Variants in DCAKD observed in about 807,000 individuals in gnomAD.
DCAKD encodes the protein dephospho-CoA kinase domain-containing protein.
Under a neutral mutation model 18.7 loss-of-function variants are expected in DCAKD, and 15 were observed. The observed-to-expected ratio is 0.80, with a 90% confidence interval of 0.54 to 1.24. The LOEUF (loss-of-function observed/expected upper bound fraction) is 1.24. Ranked by LOEUF, DCAKD falls within the 50% of genes most tolerant of loss-of-function variation. The pLI, the probability that DCAKD is intolerant of heterozygous loss-of-function variation, is 0.00. For missense variants in DCAKD, 301 were observed against 322.0 expected (o/e 0.93, Z 0.50); for synonymous variants, 130 against 133.0 (o/e 0.98, Z 0.16).
chr17:45,056,800 C>T (rs1039151264), intron 1 of DCAKD, among the ~76,000 whole-genome samples: 1 of 149,772 alleles, frequency 6.7e-6, no homozygotes, highest in African/African-American at 2.5e-5. Context: ...CAGAGCCTCG[C>T]TCTGTCACCC....
chr17:45,044,046 A>C (rs1458337974), intron 1 of DCAKD, among the ~76,000 whole-genome samples: 1 of 152,146 alleles, frequency 6.6e-6, no homozygotes, highest in Non-Finnish European at 1.5e-5. Flanking sequence ...GTTTGCTCCT[A>C]ACAAAGCAGC....
chr17:45,027,280 T>C (rs962972063), intron 4 of DCAKD, among the ~76,000 whole-genome samples: 5 of 152,208 alleles, frequency 3.3e-5, no homozygotes, highest in African/African-American at 9.7e-5. Context: ...TTTGAGGCTA[T>C]AGTTAGCTGT....
upstream of DCAKD, chr17:45,054,076 A>T (rs1182751982): frequency 3.9e-6 from 2 of 518,848 alleles, no homozygotes; most frequent in Non-Finnish European, 7.7e-6. Context: ...TCCTGACTTC[A>T]ACAGTCAAGG....
intron 1 of DCAKD, among the ~76,000 whole-genome samples, chr17:45,046,775 C>T (rs1233559532): frequency 3.9e-5 from 6 of 152,126 alleles, no homozygotes; most frequent in Non-Finnish European, 7.3e-5. Context: ...TCAATTCCCA[C>T]TGGCTCTCCT....
upstream of DCAKD, chr17:45,054,060 CT>C: frequency 1.9e-6 from 1 of 518,074 alleles, no homozygotes; most frequent in African/African-American, 1.9e-5. Flanking sequence ...TCCCTGAAAG[CT>C]TTCTTCCTGA....
At chr17:45,030,970 T>C (rs1888660551) in intron 3 of DCAKD, 3 of 985,326 alleles carry the variant, frequency 3.0e-6, no homozygotes, top group South Asian at 9.4e-5. Context: ...CGTAGGCTGC[T>C]GTGGGCTACA....
intron 1 of DCAKD, among the ~76,000 whole-genome samples, chr17:45,040,489 A>T (rs574534334): frequency 1.3e-5 from 2 of 152,222 alleles, no homozygotes; most frequent in African/African-American, 4.8e-5. Flanking sequence ...TGTTCACAGA[A>T]CTGGCTTGGC....
chr17:45,045,652 A>G (rs1186073374), intron 1 of DCAKD, among the ~76,000 whole-genome samples: 2 of 151,716 alleles, frequency 1.3e-5, no homozygotes, highest in East Asian at 3.9e-4. Flanking sequence ...GAATCACTTG[A>G]ACCCGGGAGG....
chr17:45,052,265 T>TA (rs1204238842), upstream of DCAKD, among the ~76,000 whole-genome samples: 3 of 152,118 alleles, frequency 2.0e-5, no homozygotes, highest in Non-Finnish European at 4.4e-5. Context: ...TAACTTCGGA[T>TA]ATAAAGCTCG....
intron 1 of DCAKD, among the ~76,000 whole-genome samples, chr17:45,048,922 GA>G (rs968139160): frequency 6.7e-5 from 10 of 149,360 alleles, no homozygotes; most frequent in African/African-American, 9.8e-5. Context: ...CTTTCATTTG[GA>G]AAAAAAAAAT....
upstream of DCAKD, chr17:45,054,257 T>TA (rs1360539399): frequency 6.6e-6 from 3 of 454,156 alleles, no homozygotes; most frequent in Non-Finnish European, 1.3e-5. Context: ...TTTATTTATT[T>TA]TTTTTTTTGA....
chr17:45,055,372 T>A (rs2053769728), upstream of DCAKD, among the ~76,000 whole-genome samples: 1 of 151,958 alleles, frequency 6.6e-6, no homozygotes, highest in Admixed American at 6.6e-5. Flanking sequence ...GTTTATTTAT[T>A]TATTTATTTA....
At chr17:45,033,249 A>C (rs1184027776) in intron 3 of DCAKD, among the ~76,000 whole-genome samples, 1 of 152,248 alleles carries the variant, frequency 6.6e-6, no homozygotes, top group Non-Finnish European at 1.5e-5. Flanking sequence ...GCTTGGAAGA[A>C]GGTTCTTGCC....
At chr17:45,044,222 A>G (rs1420220518) in intron 1 of DCAKD, among the ~76,000 whole-genome samples, 2 of 151,832 alleles carry the variant, frequency 1.3e-5, no homozygotes, top group Admixed American at 6.6e-5. Context: ...ACTCCCCCCT[A>G]CATCACTGCC....
Position 45,034,930 on chromosome 17 carries a change from T to C in DCAKD, c.-45A>G, listed in dbSNP as rs1480371378. On this transcript the variant is annotated 5_prime_UTR_variant, in exon 2 of 5. Transcript: ENST00000651974. ...TCCGCGAGACTACGGAGCCAGGAGC[T>C]ACAGAATCACTGGAGAGCAGGGCAA... 1 of 1,601,702 alleles carries C rather than the reference T, an allele frequency of 6.2e-7. No individual in the cohort carries two copies. Among genetic ancestry groups the C allele is most frequent in the Admixed American group, 1.7e-5 (1 of 59,096 alleles).
chr17:45,033,849 T>A (rs1710992758), intron 3 of DCAKD: 2 of 1,241,682 alleles, frequency 1.6e-6, no homozygotes, highest in Non-Finnish European at 1.0e-6. Context: ...AGCTAGAAAG[T>A]CAGGGTTGGG....
chr17:45,047,654 G>A (rs530853850), intron 1 of DCAKD, among the ~76,000 whole-genome samples: 12 of 152,078 alleles, frequency 7.9e-5, no homozygotes, highest in East Asian at 1.9e-4. Context: ...ACAGGCACAC[G>A]CCACCACACC....
upstream of DCAKD, among the ~76,000 whole-genome samples, chr17:45,056,632 G>A (rs2053783303): frequency 1.3e-5 from 2 of 152,076 alleles, no homozygotes; most frequent in Admixed American, 1.3e-4. Flanking sequence ...CCACCACTGT[G>A]CCCAGCTAAA....
chr17:45,031,039 T>G, intron 3 of DCAKD: 1 of 985,358 alleles, frequency 1.0e-6, no homozygotes, highest in Non-Finnish European at 1.2e-6. Context: ...CTGGGAGGGC[T>G]CCAGGAGAGC....
Sources: allele counts gnomAD v4.1 joint callset (sites outside exome capture counted in the v4.1 genomes callset), GRCh38; gene constraint gnomAD v4.1.1; transcripts MANE v1.5; gene names NCBI Gene and HGNC (gene_info 2026-07-23, HGNC 2026-07-21).